Variants in GNA14 observed in about 807,000 individuals in gnomAD.
The protein encoded by GNA14 is guanine nucleotide-binding protein subunit alpha-14.
A neutral mutation model predicts 42.0 loss-of-function variants in GNA14; 50 were observed. That is an observed-to-expected ratio of 1.19 (90% CI 0.95 to 1.51). GNA14 has a LOEUF of 1.51. GNA14 is among the 40% of genes most tolerant of loss of function. GNA14 has a pLI of 0.00. For synonymous variants in GNA14, 173 were observed against 163.1 expected, an observed-to-expected ratio of 1.06 and a Z score of -0.46; for missense variants, 473 against 446.2, an observed-to-expected ratio of 1.06 and a Z score of -0.54.
In GNA14 at chr9:77,647,638, G is replaced by A. The variant is rs534693963; in HGVS notation, c.124+32C>T. 5.6e-6 allele frequency: 9 copies of A among 1,594,762 alleles called. No individual in the cohort carries two copies. In the South Asian group the frequency reaches 6.8e-5, roughly 12 times the overall value. On this transcript the variant is annotated intron_variant, in intron 1 of 6. Transcript: ENST00000341700. ...GGGAGGGCTCGGAAGAAAAACGCCC[G>A]GCTCACTGGAGTCGGAGACGCAGCC...
intron 2 of GNA14, among the ~76,000 whole-genome samples, chr9:77,459,324 G>A (rs574692171): frequency 9.3e-4 from 142 of 152,272 alleles, no homozygotes; most frequent in African/African-American, 3.1e-3. Flanking sequence ...AAGGAGCAGG[G>A]GGATTGTCTT....
chr9:77,618,632 T>TTA (rs1823871839), intron 1 of GNA14, among the ~76,000 whole-genome samples: 1 of 45,652 alleles, frequency 2.2e-5, no homozygotes, highest in Non-Finnish European at 3.8e-5. Flanking sequence ...TTTTTTTTTT[T>TTA]TTTTTTTTTT....
rs569311461 is a variant in GNA14, at chr9:77,423,886, G to A, written c.*93C>T. The A allele has an allele frequency of 2.0e-5, 16 of 794,722 alleles. No homozygotes were observed. The highest frequency in any genetic ancestry group is 3.5e-5 in the African/African-American group (2 of 57,340). The allele number at this position is 794,722 out of a possible 1,614,324, so 49.2% of individuals were successfully genotyped here. A position where few individuals can be genotyped will look rare whatever the true frequency, so the allele number is the denominator to read the frequency against. On this transcript the variant is annotated 3_prime_UTR_variant, in exon 7 of 7. Transcript: ENST00000341700. ...ATGACATCCTTAGTTCCTGGCATGGGGCTGGCTCTGGTGATGTCAGAAGCA... is the reference window on the plus strand; with the variant it reads ...ATGACATCCTTAGTTCCTGGCATGGAGCTGGCTCTGGTGATGTCAGAAGCA...
intron 1 of GNA14, among the ~76,000 whole-genome samples, chr9:77,617,807 C>T (rs1355324629): frequency 6.6e-6 from 1 of 152,062 alleles, no homozygotes; most frequent in Non-Finnish European, 1.5e-5. Flanking sequence ...GCCTAGAATG[C>T]CCAGTCACTT....
rs147218899 is a variant in GNA14 at position 77,548,897 on chromosome 9, C to G, written c.125-19644G>C. Among the ~76,000 whole-genome samples, 7 of 152,208 alleles carry G rather than the reference C, an allele frequency of 4.6e-5. No homozygotes were observed. The South Asian group carries it at 1.2e-3, about 27-fold the overall frequency. Reference sequence around the variant, plus strand: ...CCCTTCCCATTTAATATGGTAAGTACGTGGTTCAACTCTTTACTATTTAAT... The same window carrying G: ...CCCTTCCCATTTAATATGGTAAGTAGGTGGTTCAACTCTTTACTATTTAAT... On this transcript the variant is annotated intron_variant, in intron 1 of 6. Coordinates refer to ENST00000341700, the MANE Select transcript of GNA14 (RefSeq NM_004297.4).
chr9:77,541,997 A>G (rs1837666607), intron 1 of GNA14, among the ~76,000 whole-genome samples: 2 of 152,066 alleles, frequency 1.3e-5, no homozygotes, highest in Admixed American at 1.3e-4. Flanking sequence ...GAGCTTCTTT[A>G]AAATCAGTAT....
In GNA14 at chr9:77,424,084, G is replaced by A. The variant is rs748035389; in HGVS notation, c.963C>T (p.Tyr321=). The change falls in exon 7 of 7, where the codon TAC becomes TAT. Residue 321 remains tyrosine, a synonymous_variant. Coordinates refer to ENST00000341700, the MANE Select transcript of GNA14 (RefSeq NM_004297.4). Reference sequence around the variant, plus strand: ...TATCTGTAGCACATGTGAAGTGAGAGTAGATGACTTTCTCTTTGTCAGGAT... The same window carrying A: ...TATCTGTAGCACATGTGAAGTGAGAATAGATGACTTTCTCTTTGTCAGGAT... The part of the protein sequence containing the change: ...DQNPDKEKVI[Y]SHFTCATDTD... 1.9e-6 allele frequency: 3 copies of A among 1,611,986 alleles called. No homozygotes were observed. In the South Asian group the frequency reaches 3.3e-5, roughly 18 times the overall value.
At chr9:77,466,125 A>T (rs906572251) in intron 2 of GNA14, among the ~76,000 whole-genome samples, 1 of 152,160 alleles carries the variant, frequency 6.6e-6, no homozygotes, top group African/African-American at 2.4e-5. Context: ...CTTAGATTTC[A>T]TGGAGGTCCT....
rs190734807 is a variant in GNA14 at position 77,458,118 on chromosome 9, T to A, written c.310-23596A>T. 3.1e-3 allele frequency among the ~76,000 whole-genome samples: 472 copies of A among 152,300 alleles called. 4 individuals are homozygous for A. Among genetic ancestry groups the A allele is most frequent in the African/African-American group, 0.011 (439 of 41,566 alleles). On this transcript the variant is annotated intron_variant, in intron 2 of 6. Coordinates refer to ENST00000341700, the MANE Select transcript of GNA14 (RefSeq NM_004297.4). Reference sequence around the variant, plus strand: ...AATGAGGGGAACAGGGCACTCCAGATTTCCCAAGGGCCTGCTTATTAACAC... The same window carrying A: ...AATGAGGGGAACAGGGCACTCCAGAATTCCCAAGGGCCTGCTTATTAACAC...
At chr9:77,547,923 T>C (rs1385568415) in intron 1 of GNA14, among the ~76,000 whole-genome samples, 1 of 152,190 alleles carries the variant, frequency 6.6e-6, no homozygotes, top group African/African-American at 2.4e-5. Context: ...ATAAGGGTGA[T>C]ACCTGCGGAA....
chr9:77,564,189 T>C (rs1000329927), intron 1 of GNA14, among the ~76,000 whole-genome samples: 4 of 151,852 alleles, frequency 2.6e-5, no homozygotes, highest in African/African-American at 9.7e-5. Flanking sequence ...TCTCCACATG[T>C]GGTTCTCAAT....
At chr9:77,577,735 G>A (rs1308780841) in intron 1 of GNA14, among the ~76,000 whole-genome samples, 1 of 152,158 alleles carries the variant, frequency 6.6e-6, no homozygotes, top group African/African-American at 2.4e-5. Context: ...AATCGAGAAG[G>A]AGGATGACAG....
intron 1 of GNA14, among the ~76,000 whole-genome samples, chr9:77,633,592 G>A (rs1031376132): frequency 1.3e-5 from 2 of 151,958 alleles, no homozygotes; most frequent in East Asian, 3.8e-4. Flanking sequence ...TGAATTTGGG[G>A]CTAGGGAATG....
chr9:77,527,771 T>G (rs933172151), intron 2 of GNA14, among the ~76,000 whole-genome samples: 14 of 152,174 alleles, frequency 9.2e-5, no homozygotes, highest in Non-Finnish European at 4.4e-5. Flanking sequence ...GTAGGTGGTA[T>G]TACAGGTGCC....
intron 2 of GNA14, among the ~76,000 whole-genome samples, chr9:77,446,842 G>T (rs1449285431): frequency 6.6e-6 from 1 of 152,188 alleles, no homozygotes; most frequent in African/African-American, 2.4e-5. Flanking sequence ...AAGAGAGAGA[G>T]ATAAATGATG....
At chr9:77,451,158 G>C (rs555955522) in intron 2 of GNA14, among the ~76,000 whole-genome samples, 1 of 152,242 alleles carries the variant, frequency 6.6e-6, no homozygotes, top group Admixed American at 6.5e-5. Context: ...CCTTCAAGAG[G>C]ACTCAAGATA....
chr9:77,553,825 A>G (rs1451129835), intron 1 of GNA14, among the ~76,000 whole-genome samples: 2 of 152,244 alleles, frequency 1.3e-5, no homozygotes, highest in Non-Finnish European at 2.9e-5. Context: ...CCAAATACCT[A>G]TGTAATGGGA....
intron 2 of GNA14, among the ~76,000 whole-genome samples, chr9:77,470,598 G>A (rs1401650266): frequency 6.6e-6 from 1 of 152,170 alleles, no homozygotes; most frequent in African/African-American, 2.4e-5. Flanking sequence ...TGCTACAGAG[G>A]ATTAGAAAGT....
chr9:77,591,681 T>C (rs1823392908), intron 1 of GNA14, among the ~76,000 whole-genome samples: 1 of 152,220 alleles, frequency 6.6e-6, no homozygotes, highest in South Asian at 2.1e-4. Flanking sequence ...TGATCAAACA[T>C]GTCTCTTAGA....
Sources: gnomAD v4.1 joint callset for allele counts (sites outside exome capture counted in the v4.1 genomes callset) on GRCh38, gnomAD v4.1.1 for gene constraint, MANE v1.5 for transcripts, NCBI Gene and HGNC (gene_info 2026-07-23, HGNC 2026-07-21) for gene names.